The following MAP3K12 variants were observed in gnomAD, a reference collection of about 807,000 sequenced individuals.
The protein encoded by MAP3K12 is mitogen-activated protein kinase kinase kinase 12.
A neutral mutation model predicts 87.5 loss-of-function variants in MAP3K12; 14 were observed. The observed-to-expected ratio is 0.16, with a 90% confidence interval of 0.11 to 0.25. The LOEUF is 0.25. Ranked by LOEUF, MAP3K12 falls within the 10% of genes least tolerant of loss-of-function variation. The probability of loss-of-function intolerance (pLI) is 1.00; values close to 1 mark genes in which losing one functional copy is unlikely to be tolerated. For synonymous variants in MAP3K12, 469 were observed against 452.5 expected (o/e 1.04, Z -0.46); for missense variants, 802 against 1,140.4 (o/e 0.70, Z 4.27).
chr12:53,501,228 G>A (rs576645714), upstream of MAP3K12: 557 of 653,672 alleles, frequency 8.5e-4, 2 homozygotes, highest in Middle Eastern at 4.3e-3. Flanking sequence ...GGGGCGGATA[G>A]CTCCCCTCCA....
At chr12:53,493,315 G>T (rs941497257) in intron 1 of MAP3K12, among the ~76,000 whole-genome samples, 2 of 152,120 alleles carry the variant, frequency 1.3e-5, no homozygotes, top group African/African-American at 2.4e-5. Flanking sequence ...CCCCCACCCA[G>T]CGGTCTGCCC....
At position 53,486,175 on chromosome 12, in the gene MAP3K12, T is replaced by C. The variant is rs115131461; in HGVS notation, c.702A>G (p.Val234=). 7.4e-6 allele frequency: 12 copies of C among 1,614,148 alleles called. No individual in the cohort carries two copies. The African/African-American group carries it at 1.2e-4, about 16-fold the overall frequency. ...GGGTGACAGGGCGGCCAGCCCGCAG[T>C]ACCTCATACAGCTGGCCCTGGGCGC... ...EFCAQGQLYE[V]LRAGRPVTPS... is the part of the protein sequence containing the mutation. Residue 234 remains valine, a synonymous_variant, in exon 4 of 14, where the codon GTA becomes GTG. Coordinates refer to ENST00000547488, the MANE Select transcript of MAP3K12 (RefSeq NM_001193511.2). This position sits in a 1 kb window ranked among gnomAD's most constrained non-coding sequence, Gnocchi z 4.9.
intron 1 of MAP3K12, among the ~76,000 whole-genome samples, chr12:53,498,271 G>A (rs1289096397): frequency 6.6e-6 from 1 of 152,178 alleles, no homozygotes; most frequent in Non-Finnish European, 1.5e-5. Flanking sequence ...AATCCTTTCT[G>A]TTAGCCTTAG....
intron 1 of MAP3K12, among the ~76,000 whole-genome samples, chr12:53,498,698 G>GCCGGGGGAGATGGGTTAGGGGAT (rs1943593664): frequency 1.3e-5 from 2 of 152,096 alleles, no homozygotes; most frequent in Non-Finnish European, 2.9e-5. Context: ...GGTTAGGGGA[G>GCCGGGGGAGATGGGTTAGGGGAT]CCAGAGGAGA....
At chr12:53,499,809 C>T (rs1192980220), upstream of MAP3K12, among the ~76,000 whole-genome samples, 3 of 152,204 alleles carry the variant, frequency 2.0e-5, no homozygotes, top group Non-Finnish European at 4.4e-5. Context: ...GCCTGGGCCC[C>T]GCGCCTCCCT....
At position 53,499,163 on chromosome 12, in the gene MAP3K12, C is replaced by T. The variant is rs1233333723; in HGVS notation, c.-38+264G>A. Among the ~76,000 whole-genome samples, 3 of 151,956 alleles carry T rather than the reference C, an allele frequency of 2.0e-5. No individual in the cohort carries two copies. The East Asian group carries it at 5.8e-4, about 29-fold the overall frequency. On this transcript the variant is annotated intron_variant, in intron 1 of 13. Coordinates refer to ENST00000547488, the MANE Select transcript of MAP3K12 (RefSeq NM_001193511.2). ...TCTGTCCCCCAATCATCCTCCACCC[C>T]ACCCCAATACGGTCCTTTCCAGCTC...
intron 4 of MAP3K12, chr12:53,485,694 T>A: frequency 1.7e-6 from 1 of 573,402 alleles, no homozygotes; most frequent in Non-Finnish European, 3.1e-6. Context: ...TAGCTGAGAC[T>A]ACGGGCACTC....
At chr12:53,497,530 C>T (rs1943567945) in intron 1 of MAP3K12, among the ~76,000 whole-genome samples, 1 of 152,204 alleles carries the variant, frequency 6.6e-6, no homozygotes, top group South Asian at 2.1e-4. Flanking sequence ...CTTCTGGGAG[C>T]CAATGAACCA....
At position 53,483,431 on chromosome 12, in the gene MAP3K12, G is replaced by T. The variant is rs753085611; in HGVS notation, c.1531C>A (p.Arg511=). Residue 511 remains arginine, a synonymous_variant, in exon 10 of 14, where the codon CGG becomes AGG. Transcript: ENST00000547488. ...ATTGTGTTTCCATGCAGGAGGCCCCGGGAAGGGTGTGGCTTCAGCAGGCCT... is the reference window on the plus strand; with the variant it reads ...ATTGTGTTTCCATGCAGGAGGCCCCTGGAAGGGTGTGGCTTCAGCAGGCCT... The part of the protein sequence containing the change: ...CPGLLKPHPS[R]GLLHGNTMEK... The T allele has an allele frequency of 1.9e-6, 3 of 1,614,024 alleles. No individual in the cohort carries two copies. Among genetic ancestry groups the T allele is most frequent in the East Asian group, 2.2e-5 (1 of 44,888 alleles).
In MAP3K12 at chr12:53,486,018, C is replaced by T; in HGVS notation, c.821+38G>A. On this transcript the variant is annotated intron_variant, in intron 4 of 13. Coordinates refer to ENST00000547488, the MANE Select transcript of MAP3K12 (RefSeq NM_001193511.2). The surrounding 1 kb of genome is among the most constrained non-coding windows in gnomAD (Gnocchi z 4.9). ...GGCCACACTGACTTGAGTGGGTCAC[C>T]TGCATGCACATCTGTTGCTCCCTGC... 5.1e-6 allele frequency: 8 copies of T among 1,564,612 alleles called. No homozygotes were observed. Among genetic ancestry groups the T allele is most frequent in the Non-Finnish European group, 7.0e-6 (8 of 1,151,060 alleles).
intron 1 of MAP3K12, chr12:53,492,874 G>C (rs1438891375): frequency 1.3e-5 from 2 of 152,478 alleles, no homozygotes; most frequent in Non-Finnish European, 2.9e-5. Flanking sequence ...AGGGATGGCG[G>C]GATTGGAGCC....
chr12:53,501,483 C>T, upstream of MAP3K12: 1 of 1,559,072 alleles, frequency 6.4e-7, no homozygotes, highest in Non-Finnish European at 8.7e-7. Context: ...CGTACCGATT[C>T]CTTCAGGGCG....
Position 53,482,322 on chromosome 12 carries a change from T to G in MAP3K12, c.2286A>C (p.Glu762Asp). ...ACCTCTGGCTTGATGTCAGCTCTAC[T>G]TCACTGTCTACCTCTCCTTCCTCCT... ...SEEEEGEVDS[E>D]VELTSSQRWP... The change falls in exon 12 of 14, where the codon GAA (glutamate) becomes GAC (aspartate). Residue 762 changes from glutamate (E) to aspartate (D), a missense_variant. Physicochemically the swap from Glu to Asp is conservative, Grantham distance 45. Transcript: ENST00000547488. 1 of 1,614,162 alleles carries G rather than the reference T, an allele frequency of 6.2e-7. No homozygotes were observed. The highest frequency in any genetic ancestry group is 1.1e-5 in the South Asian group (1 of 91,082).
At chr12:53,493,559 A>C (rs1274266168) in intron 1 of MAP3K12, 1 of 152,908 alleles carries the variant, frequency 6.5e-6, no homozygotes, top group Admixed American at 6.5e-5. Flanking sequence ...AAGCGGAGTC[A>C]ACCCCGAGAA....
Position 53,484,194 on chromosome 12 carries a change from T to G in MAP3K12, c.1248+63A>C. The G allele has an allele frequency of 4.7e-6, 7 of 1,495,108 alleles. No individual in the cohort carries two copies. The South Asian group carries it at 8.0e-5, about 17-fold the overall frequency. 92.6% of individuals were successfully genotyped at this position (1,495,108 alleles called of 1,614,324 possible). On this transcript the variant is annotated intron_variant, in intron 7 of 13. Coordinates refer to ENST00000547488, the MANE Select transcript of MAP3K12 (RefSeq NM_001193511.2). ...CTCAACCCATTTCCCAGCCTCCCCC[T>G]CAAATAGCATCATCTCTGCAAAGAA...
At chr12:53,483,265 A>AAAG in intron 10 of MAP3K12, 76 bp from the exon 11 acceptor site, 1 of 1,572,158 alleles carries the variant, frequency 6.4e-7, no homozygotes. Flanking sequence ...CTTGGACACT[A>AAAG]AAGTACACAT....
Position 53,479,670 on chromosome 12 carries a change from G to GGTTTTTTTTTTGTTTT in MAP3K12, c.*1511_*1512insAAAACAAAAAAAAAAC. 3.5e-6 allele frequency: 1 copy of GGTTTTTTTTTTGTTTT among 282,574 alleles called. No individual in the cohort carries two copies. The highest frequency in any genetic ancestry group is 6.5e-6 in the Non-Finnish European group (1 of 153,386). The allele number at this position is 282,574 out of a possible 1,614,324, so 17.5% of individuals were successfully genotyped here. On this transcript the variant is annotated 3_prime_UTR_variant, in exon 14 of 14. Transcript: ENST00000547488. ...TATTTAGTTTTATAAGCTTCTCCCT[G>GGTTTTTTTTTTGTTTT]GTTTTTTTTTTTTGGCTCATGAATT...
chr12:53,486,534 G>T lies in MAP3K12; in HGVS notation c.534C>A (p.His178Gln), dbSNP rs141065572. The change falls in exon 3 of 14, where the codon CAC (histidine) becomes CAA (glutamine). Residue 178 changes from histidine (H) to glutamine (Q), a missense_variant. By Grantham distance (24) the His-to-Gln change is conservative (BLOSUM62 0). Coordinates refer to ENST00000547488, the MANE Select transcript of MAP3K12 (RefSeq NM_001193511.2). The surrounding 1 kb of genome is among the most constrained non-coding windows in gnomAD (Gnocchi z 4.9). Reference sequence around the variant, plus strand: ...CCTTCTTCACAGCCACCTCCTCCCCGTGGAAGCGCCCCAGGAAGACAGCAC... The same window carrying T: ...CCTTCTTCACAGCCACCTCCTCCCCTTGGAAGCGCCCCAGGAAGACAGCAC... ...AQGAVFLGRF[H>Q]GEEVAVKKVR... The T allele has an allele frequency of 9.2e-5, 149 of 1,614,060 alleles. No individual in the cohort carries two copies. The highest frequency in any genetic ancestry group is 6.2e-5 in the Non-Finnish European group (73 of 1,180,006).
At chr12:53,481,796 C>T in intron 13 of MAP3K12, 145 bp downstream of exon 13, 1 of 962,486 alleles carries the variant, frequency 1.0e-6, no homozygotes, top group Non-Finnish European at 1.5e-6. Context: ...GTGCAAGAGG[C>T]TTCTGAAATT....
Sources: gnomAD v4.1 joint callset for allele counts (sites outside exome capture counted in the v4.1 genomes callset) on GRCh38, gnomAD v4.1.1 for gene constraint, Gnocchi (gnomAD v3.1) non-coding constraint, MANE v1.5 for transcripts, NCBI Gene and HGNC (gene_info 2026-07-23, HGNC 2026-07-21) for gene names.